THSD7B: variants seen among roughly 807,000 people sequenced by gnomAD.
The protein encoded by THSD7B is thrombospondin type 1 domain containing 7B.
Under a neutral mutation model 213.6 loss-of-function variants are expected in THSD7B, and 138 were observed. The ratio of observed to expected loss-of-function variants is 0.65; its 90% CI spans 0.56 to 0.74. THSD7B has a LOEUF of 0.74. Ranked by LOEUF, THSD7B falls within the 30% of genes least tolerant of loss-of-function variation. The pLI, the probability that THSD7B is intolerant of heterozygous loss-of-function variation, is 0.00. For synonymous variants in THSD7B, 742 were observed against 687.0 expected (o/e 1.08, Z -1.25); for missense variants, 1,931 against 1,991.5 (o/e 0.97, Z 0.58).
At chr2:137,463,840 T>C (rs1026301277) in intron 15 of THSD7B, among the ~76,000 whole-genome samples, 1 of 152,092 alleles carries the variant, frequency 6.6e-6, no homozygotes, top group African/African-American at 2.4e-5. Flanking sequence ...AGCATTAAAA[T>C]GAGGTGGAAT....
rs191044622 is a variant in THSD7B, at chr2:137,249,830, A to G, written c.2266+7258A>G. ...TAGGCACAGATAGTCTTTCTTGTCT[A>G]TTAGCAAATCAAGAATTTGAAGTCC... is the stretch of plus-strand genomic sequence containing the variant. On this transcript the variant is annotated intron_variant, in intron 10 of 27. Transcript: ENST00000409968. 8.5e-5 allele frequency among the ~76,000 whole-genome samples: 13 copies of G among 152,370 alleles called. No homozygotes were observed. The East Asian group carries it at 2.3e-3, about 27-fold the overall frequency.
At chr2:137,240,661 C>G (rs1438085095) in intron 9 of THSD7B, among the ~76,000 whole-genome samples, 1 of 152,068 alleles carries the variant, frequency 6.6e-6, no homozygotes, top group African/African-American at 2.4e-5. Context: ...CAGGCATGTA[C>G]CCCCATGCCC....
At chr2:137,276,303 C>A (rs1049361979) in intron 12 of THSD7B, among the ~76,000 whole-genome samples, 1 of 149,140 alleles carries the variant, frequency 6.7e-6, no homozygotes, top group Non-Finnish European at 1.5e-5. Context: ...GTTCCAAATG[C>A]ATGTTAGATA....
Position 137,085,570 on chromosome 2 carries a change from G to A in THSD7B, c.951-9303G>A, listed in dbSNP as rs1045622862. Among the ~76,000 whole-genome samples the A allele has an allele frequency of 3.3e-5, 5 of 152,058 alleles. No individual in the cohort carries two copies. In the East Asian group the frequency reaches 9.6e-4, roughly 29 times the overall value. On this transcript the variant is annotated intron_variant, in intron 3 of 27. Transcript: ENST00000409968. ...TAATAAAAAGTTGGAGACTAATTTA[G>A]GGTAAATTACTTGGAAAGAAAGAAA...
intron 9 of THSD7B, among the ~76,000 whole-genome samples, chr2:137,234,229 G>A (rs145746605): frequency 1.5e-3 from 233 of 152,300 alleles, no homozygotes; most frequent in African/African-American, 5.2e-3. Flanking sequence ...ACTACACCCT[G>A]CCCTCCATGG....
At chr2:137,110,092 C>A (rs1237002776) in intron 4 of THSD7B, among the ~76,000 whole-genome samples, 1 of 152,166 alleles carries the variant, frequency 6.6e-6, no homozygotes, top group Non-Finnish European at 1.5e-5. Flanking sequence ...GGATTTCCCT[C>A]GTCATGGCAC....
intron 2 of THSD7B, among the ~76,000 whole-genome samples, chr2:137,034,280 AT>A (rs1440827294): frequency 6.6e-6 from 1 of 151,980 alleles, no homozygotes; most frequent in East Asian, 1.9e-4. Context: ...TAATTTTTGT[AT>A]TTTTAGTAGA....
intron 20 of THSD7B, among the ~76,000 whole-genome samples, chr2:137,631,628 T>A (rs1475279726): frequency 2.6e-5 from 4 of 152,242 alleles, no homozygotes; most frequent in Non-Finnish European, 5.9e-5. Context: ...CTTTAATTTT[T>A]GATATCTGCA....
At chr2:136,785,620 A>G (rs866957176) in intron 1 of THSD7B, among the ~76,000 whole-genome samples, 1 of 152,310 alleles carries the variant, frequency 6.6e-6, no homozygotes, top group Middle Eastern at 3.4e-3. Context: ...CGGCAAACCC[A>G]AAAGTAAAGA....
chr2:137,223,156 A>C (rs1247070323), intron 7 of THSD7B, among the ~76,000 whole-genome samples: 1 of 152,134 alleles, frequency 6.6e-6, no homozygotes, highest in Non-Finnish European at 1.5e-5. Context: ...GGCTGTGGAA[A>C]TGTTGACTGC....
At chr2:137,303,321 C>T (rs1382924315) in intron 12 of THSD7B, among the ~76,000 whole-genome samples, 1 of 152,162 alleles carries the variant, frequency 6.6e-6, no homozygotes, top group African/African-American at 2.4e-5. Context: ...TGCCTCCAGC[C>T]ACTTCTAAAA....
chr2:137,042,748 A>G (rs1203893696), intron 2 of THSD7B, among the ~76,000 whole-genome samples: 2 of 152,238 alleles, frequency 1.3e-5, no homozygotes, highest in Non-Finnish European at 2.9e-5. Context: ...TTTAAAACTC[A>G]GCATTTTCTT....
intron 7 of THSD7B, among the ~76,000 whole-genome samples, chr2:137,201,296 C>T (rs1470976454): frequency 1.3e-5 from 2 of 152,216 alleles, no homozygotes; most frequent in African/African-American, 2.4e-5. Flanking sequence ...TGTGCACACG[C>T]ACCACATTTT....
intron 12 of THSD7B, among the ~76,000 whole-genome samples, chr2:137,320,612 C>T (rs1281236449): frequency 6.6e-6 from 1 of 152,178 alleles, no homozygotes; most frequent in Non-Finnish European, 1.5e-5. Flanking sequence ...CAAGGTCATG[C>T]TTTTCATATT....
chr2:136,777,620 G>T (rs1681637586), intron 1 of THSD7B, among the ~76,000 whole-genome samples: 1 of 152,158 alleles, frequency 6.6e-6, no homozygotes, highest in Non-Finnish European at 1.5e-5. Flanking sequence ...CTGCCATTTT[G>T]ATTCTCTCTT....
intron 2 of THSD7B, among the ~76,000 whole-genome samples, chr2:136,994,706 C>CTT (rs1022692824): frequency 6.6e-6 from 1 of 152,196 alleles, no homozygotes; most frequent in African/African-American, 2.4e-5. Context: ...AAACACACTC[C>CTT]TTTACACGTA....
chr2:136,998,261 C>CAAAAAAAAAAAAAA (rs33931359), intron 2 of THSD7B, among the ~76,000 whole-genome samples: 11 of 98,382 alleles, frequency 1.1e-4, no homozygotes, highest in South Asian at 3.5e-4. Context: ...ACTAAAAGGC[C>CAAAAAAAAAAAAAA]AAAAAAAAAA....
At chr2:136,915,102 T>G (rs1202352436) in intron 2 of THSD7B, among the ~76,000 whole-genome samples, 1 of 152,164 alleles carries the variant, frequency 6.6e-6, no homozygotes, top group African/African-American at 2.4e-5. Context: ...GCATGAAACA[T>G]CACAAACAGA....
intron 7 of THSD7B, among the ~76,000 whole-genome samples, chr2:137,211,939 G>C (rs1247234551): frequency 6.6e-6 from 1 of 151,936 alleles, no homozygotes; most frequent in Admixed American, 6.6e-5. Flanking sequence ...TATCTGATAT[G>C]TATCATAGTA....
Sources: gnomAD v4.1 joint callset for allele counts (sites outside exome capture counted in the v4.1 genomes callset) on GRCh38, gnomAD v4.1.1 for gene constraint, MANE v1.5 for transcripts, NCBI Gene and HGNC (gene_info 2026-07-23, HGNC 2026-07-21) for gene names.